The following MGAT4C variants were observed in gnomAD, a reference collection of about 807,000 sequenced individuals.
MGAT4C encodes the protein alpha-1,3-mannosyl-glycoprotein 4-beta-N-acetylglucosaminyltransferase C.
MGAT4C carries 19 observed loss-of-function variants against 40.1 expected under a neutral mutation model. That is an observed-to-expected ratio of 0.47 (90% confidence interval 0.33 to 0.70). The LOEUF (loss-of-function observed/expected upper bound fraction) is 0.70, where lower values mean the gene tolerates loss of function less well. Among genes scored for constraint, MGAT4C ranks in the 30% least tolerant of loss-of-function variants. The probability of loss-of-function intolerance (pLI) is 0.02; values close to 1 mark genes in which losing one functional copy is unlikely to be tolerated. For missense variants in MGAT4C, 491 were observed against 563.2 expected (o/e 0.87, Z 1.30); for synonymous variants, 181 against 187.1 (o/e 0.97, Z 0.27).
At chr12:86,617,328 GCATCCACAGATTCAAC>G (rs1464871096) in intron 2 of MGAT4C, among the ~76,000 whole-genome samples, 3 of 152,128 alleles carry the variant, frequency 2.0e-5, no homozygotes, top group Non-Finnish European at 2.9e-5. Context: ...ATTGCGATCT[GCATCCACAGATTCAAC>G]CATCCACAGA....
intron 2 of MGAT4C, among the ~76,000 whole-genome samples, chr12:86,686,529 G>A (rs967007484): frequency 1.3e-5 from 2 of 152,136 alleles, no homozygotes; most frequent in Admixed American, 6.5e-5. Flanking sequence ...TAGTTTTTGA[G>A]TGTTTTTAGC....
At chr12:86,402,398 C>G (rs1230188003) in intron 3 of MGAT4C, among the ~76,000 whole-genome samples, 1 of 152,036 alleles carries the variant, frequency 6.6e-6, no homozygotes, top group East Asian at 1.9e-4. Context: ...GCACTCCATC[C>G]AGCCTGGGCA....
At chr12:86,074,021 G>C (rs1350189068) in intron 1 of MGAT4C, among the ~76,000 whole-genome samples, 1 of 152,032 alleles carries the variant, frequency 6.6e-6, no homozygotes, top group East Asian at 1.9e-4. Flanking sequence ...GTCATGGGAG[G>C]GATCGGGGGA....
At chr12:86,474,073 A>C (rs1451825523) in intron 2 of MGAT4C, among the ~76,000 whole-genome samples, 1 of 152,060 alleles carries the variant, frequency 6.6e-6, no homozygotes, top group Non-Finnish European at 1.5e-5. Flanking sequence ...CTTTTTCAGC[A>C]AAAGAAAGTC....
rs968277773 is a variant in MGAT4C at position 85,972,902 on chromosome 12, T to A, written c.*6387A>T. The A allele has an allele frequency of 6.6e-6, 1 of 150,824 alleles. No individual in the cohort carries two copies. The highest frequency in any genetic ancestry group is 2.4e-5 in the African/African-American group (1 of 41,282). The allele number at this position is 150,824 out of a possible 1,614,324, so 9.3% of individuals were successfully genotyped here. On this transcript the variant is annotated 3_prime_UTR_variant, in exon 5 of 5. Transcript: ENST00000611864. ...TATCAATTATTAAAGATGGAAAAAA[T>A]AGGACTATGTCAAATAGTTAAACAA...
chr12:86,288,239 G>T (rs1306776965), intron 4 of MGAT4C, among the ~76,000 whole-genome samples: 1 of 152,028 alleles, frequency 6.6e-6, no homozygotes, highest in Non-Finnish European at 1.5e-5. Flanking sequence ...GTAGATTCTG[G>T]ATATTAGCCT....
chr12:86,821,742 GA>G (rs1186541778), intron 1 of MGAT4C, among the ~76,000 whole-genome samples: 1 of 150,860 alleles, frequency 6.6e-6, no homozygotes, highest in Non-Finnish European at 1.5e-5. Context: ...CCACGGTTTG[GA>G]TACTTGACAT....
intron 1 of MGAT4C, among the ~76,000 whole-genome samples, chr12:86,802,756 A>G (rs1324200090): frequency 6.8e-6 from 1 of 146,936 alleles, no homozygotes; most frequent in African/African-American, 2.5e-5. Context: ...TGCTCAAAGA[A>G]ATAAAAGAGG....
At chr12:86,507,621 T>C (rs1303646058) in intron 2 of MGAT4C, among the ~76,000 whole-genome samples, 2 of 152,188 alleles carry the variant, frequency 1.3e-5, no homozygotes, top group Non-Finnish European at 2.9e-5. Flanking sequence ...CAAGCCCAGC[T>C]GAAGAAAGCA....
Position 86,818,590 on chromosome 12 carries a change from T to C in MGAT4C, c.-262+20076A>G, listed in dbSNP as rs149299270. On this transcript the variant is annotated intron_variant, in intron 1 of 7. Coordinates refer to the MGAT4C transcript ENST00000548651. ...TTGATAGAATTCTTGTCTATTCAAG[T>C]TCAAGAAGCACAACGGCTCCCGTGT... 8.1e-3 allele frequency among the ~76,000 whole-genome samples: 1,219 copies of C among 151,202 alleles called. 9 individuals carry two copies. The highest frequency in any genetic ancestry group is 0.015 in the South Asian group (71 of 4,816).
At chr12:86,221,327 C>G (rs1423667246) in intron 1 of MGAT4C, among the ~76,000 whole-genome samples, 1 of 152,082 alleles carries the variant, frequency 6.6e-6, no homozygotes, top group Admixed American at 6.6e-5. Context: ...GTGGCTACCT[C>G]TTGTACATCA....
At chr12:86,030,850 A>T (rs1359517810) in intron 2 of MGAT4C, among the ~76,000 whole-genome samples, 1 of 151,788 alleles carries the variant, frequency 6.6e-6, no homozygotes, top group East Asian at 1.9e-4. Flanking sequence ...CAAGTGACCG[A>T]TTTAATTTGT....
intron 3 of MGAT4C, among the ~76,000 whole-genome samples, chr12:86,374,892 T>C (rs537249678): frequency 6.6e-6 from 1 of 152,308 alleles, no homozygotes; most frequent in South Asian, 2.1e-4. Flanking sequence ...AACATTTCTA[T>C]TTCAGTCTTT....
intron 2 of MGAT4C, among the ~76,000 whole-genome samples, chr12:86,474,376 G>T (rs940600014): frequency 4.1e-5 from 5 of 122,458 alleles, no homozygotes; most frequent in African/African-American, 1.5e-4. Context: ...GCTGTGGGGT[G>T]GGGGGAGGGG....
intron 3 of MGAT4C, among the ~76,000 whole-genome samples, chr12:86,344,557 T>A (rs1954975323): frequency 6.6e-6 from 1 of 152,200 alleles, no homozygotes; most frequent in Non-Finnish European, 1.5e-5. Context: ...TCTTAGTGTG[T>A]CAGAAATACT....
intron 2 of MGAT4C, among the ~76,000 whole-genome samples, chr12:86,654,939 A>C (rs563266997): frequency 2.0e-5 from 3 of 152,036 alleles, no homozygotes; most frequent in Non-Finnish European, 4.4e-5. Flanking sequence ...AAATTATAGA[A>C]CATGAGTAAA....
At chr12:86,838,588 C>T (rs1953088083) in intron 1 of MGAT4C, 1 of 152,156 alleles carries the variant, frequency 6.6e-6, no homozygotes, top group African/African-American at 2.4e-5. Flanking sequence ...TCTCTTTTTA[C>T]AGGTTTGGAT....
At chr12:86,598,409 T>G (rs1961624247) in intron 2 of MGAT4C, among the ~76,000 whole-genome samples, 2 of 152,248 alleles carry the variant, frequency 1.3e-5, no homozygotes, top group East Asian at 3.9e-4. Flanking sequence ...TTTAAGTATA[T>G]AATAATACTT....
chr12:86,313,620 C>T (rs1243636282), intron 4 of MGAT4C, among the ~76,000 whole-genome samples: 3 of 152,070 alleles, frequency 2.0e-5, no homozygotes, highest in Non-Finnish European at 2.9e-5. Flanking sequence ...TACTCTCTCA[C>T]GAACTCATAA....
Sources: allele counts gnomAD v4.1 joint callset (sites outside exome capture counted in the v4.1 genomes callset), GRCh38; gene constraint gnomAD v4.1.1; transcripts MANE v1.5; gene names NCBI Gene and HGNC (gene_info 2026-07-23, HGNC 2026-07-21).